OPCML: variants seen among roughly 807,000 people sequenced by gnomAD.
OPCML encodes opioid-binding protein/cell adhesion molecule.
OPCML carries 13 observed loss-of-function variants against 37.8 expected under a neutral mutation model. That is an observed-to-expected ratio of 0.34 (90% CI 0.22 to 0.55). The LOEUF is 0.55. Ranked by LOEUF, OPCML falls within the 20% of genes least tolerant of loss-of-function variation. The pLI, the probability that OPCML is intolerant of heterozygous loss-of-function variation, is 0.91. For synonymous variants in OPCML, 176 were observed against 168.8 expected (o/e 1.04, Z -0.33); for missense variants, 341 against 435.6 (o/e 0.78, Z 1.93).
intron 1 of OPCML, among the ~76,000 whole-genome samples, chr11:133,075,483 G>A (rs1428251610): frequency 6.6e-6 from 1 of 152,154 alleles, no homozygotes. Flanking sequence ...CGGTGGGGAC[G>A]CTGCCGGGAA....
intron 1 of OPCML, among the ~76,000 whole-genome samples, chr11:133,327,895 C>A (rs1026167662): frequency 2.0e-5 from 3 of 152,072 alleles, no homozygotes; most frequent in African/African-American, 4.8e-5. Context: ...AAGGTGCTCG[C>A]ACTGTAAATA....
chr11:132,721,100 CTCATTCAT>C lies in OPCML; in HGVS notation c.147-63789_147-63782del, dbSNP rs750126243. Among the ~76,000 whole-genome samples the C allele has an allele frequency of 3.9e-5, 6 of 152,218 alleles. 1 individual carries two copies. Among genetic ancestry groups the C allele is most frequent in the African/African-American group, 9.6e-5 (4 of 41,520 alleles). Reference sequence around the variant, plus strand: ...TTAGGATATAAATATGGTTTGATTGCTCATTCATTCATTCATTCATTCATTCAACATTA... The same window carrying C: ...TTAGGATATAAATATGGTTTGATTGCTCATTCATTCATTCATTCAACATTA... On this transcript the variant is annotated intron_variant, in intron 2 of 7. Coordinates refer to ENST00000524381, the MANE Select transcript of OPCML (RefSeq NM_001012393.5).
At chr11:133,440,664 T>C (rs1374455109) in intron 1 of OPCML, among the ~76,000 whole-genome samples, 1 of 149,222 alleles carries the variant, frequency 6.7e-6, no homozygotes, top group African/African-American at 2.5e-5. Context: ...GAGGCAGAGG[T>C]TGCAATGAGC....
chr11:132,946,028 C>T (rs912902423), intron 1 of OPCML, among the ~76,000 whole-genome samples: 4 of 152,174 alleles, frequency 2.6e-5, no homozygotes, highest in Non-Finnish European at 4.4e-5. Flanking sequence ...ATGATCCACC[C>T]GCCTCGGCCT....
At chr11:133,344,520 C>A (rs1943952484) in intron 1 of OPCML, among the ~76,000 whole-genome samples, 1 of 152,192 alleles carries the variant, frequency 6.6e-6, no homozygotes, top group Non-Finnish European at 1.5e-5. Context: ...TACGGCATCA[C>A]ACCCTTGCTT....
intron 1 of OPCML, among the ~76,000 whole-genome samples, chr11:133,218,341 C>A (rs1001192464): frequency 6.6e-6 from 1 of 152,084 alleles, no homozygotes; most frequent in South Asian, 2.1e-4. Flanking sequence ...TGCTGAAATA[C>A]AAGGTTTGTC....
intron 5 of OPCML, chr11:132,437,005 T>C: frequency 2.3e-6 from 2 of 871,394 alleles, no homozygotes; most frequent in Non-Finnish European, 2.8e-6. Flanking sequence ...CCATTCTCAG[T>C]TAACAATTCT....
At chr11:132,569,730 AGTTAG>A (rs1210063829) in intron 3 of OPCML, among the ~76,000 whole-genome samples, 1 of 152,204 alleles carries the variant, frequency 6.6e-6, no homozygotes, top group Non-Finnish European at 1.5e-5. Flanking sequence ...CAGAGAGAAA[AGTTAG>A]ATTACCTGCA....
chr11:133,201,866 C>T (rs182174134), intron 1 of OPCML, among the ~76,000 whole-genome samples: 3 of 152,274 alleles, frequency 2.0e-5, no homozygotes, highest in Admixed American at 2.0e-4. Flanking sequence ...TATTTACCTC[C>T]TAACTTTTTA....
intron 1 of OPCML, among the ~76,000 whole-genome samples, chr11:133,137,872 A>C (rs1949714624): frequency 3.3e-5 from 5 of 152,214 alleles, no homozygotes; most frequent in Admixed American, 3.3e-4. Flanking sequence ...TGAAAGTGTG[A>C]ACAGTCTAGA....
intron 2 of OPCML, among the ~76,000 whole-genome samples, chr11:132,779,752 T>C (rs1447941855): frequency 6.6e-6 from 1 of 152,134 alleles, no homozygotes; most frequent in Non-Finnish European, 1.5e-5. Flanking sequence ...TAGGGAGCAG[T>C]GGCAGACTTT....
chr11:132,636,894 C>T (rs1408755038), intron 3 of OPCML, among the ~76,000 whole-genome samples: 1 of 151,846 alleles, frequency 6.6e-6, no homozygotes, highest in Non-Finnish European at 1.5e-5. Context: ...GATTTGCAAT[C>T]TAAAAAAAGA....
chr11:133,292,477 A>G (rs1290852342), intron 1 of OPCML, among the ~76,000 whole-genome samples: 1 of 152,212 alleles, frequency 6.6e-6, no homozygotes, highest in Non-Finnish European at 1.5e-5. Flanking sequence ...CCCAATAAAT[A>G]AAGATATACA....
At chr11:132,892,386 T>C (rs939032607) in intron 2 of OPCML, among the ~76,000 whole-genome samples, 60 of 152,296 alleles carry the variant, frequency 3.9e-4, no homozygotes, top group African/African-American at 1.3e-3. Context: ...GAAGGGCTTG[T>C]AAAATATGGA....
chr11:133,005,371 C>T (rs552025234), intron 1 of OPCML: 2 of 985,358 alleles, frequency 2.0e-6, no homozygotes, highest in East Asian at 2.3e-4. Flanking sequence ...ACAGCAAATG[C>T]CGTTTCTCAG....
At chr11:132,557,769 T>C (rs1330170169) in intron 3 of OPCML, among the ~76,000 whole-genome samples, 1 of 151,824 alleles carries the variant, frequency 6.6e-6, no homozygotes, top group Non-Finnish European at 1.5e-5. Context: ...ACTATCTGCA[T>C]GAGAAGGTGA....
chr11:132,694,340 T>G (rs1024746937), intron 2 of OPCML, among the ~76,000 whole-genome samples: 3 of 151,878 alleles, frequency 2.0e-5, no homozygotes, highest in African/African-American at 7.3e-5. Context: ...CTGGGACTAC[T>G]GGTGCGTGCC....
intron 2 of OPCML, among the ~76,000 whole-genome samples, chr11:132,805,179 T>A (rs1277876836): frequency 6.6e-6 from 1 of 152,134 alleles, no homozygotes; most frequent in East Asian, 1.9e-4. Context: ...ATATTCAAGA[T>A]GGCATTAAAA....
intron 3 of OPCML, among the ~76,000 whole-genome samples, chr11:132,534,627 G>A (rs73035367): frequency 0.012 from 1,795 of 152,248 alleles, 20 homozygotes; most frequent in African/African-American, 0.026. Context: ...TGGTGGAAAC[G>A]GAAGTGAGAG....
Sources: gnomAD v4.1 joint callset for allele counts (sites outside exome capture counted in the v4.1 genomes callset) on GRCh38, gnomAD v4.1.1 for gene constraint, MANE v1.5 for transcripts, NCBI Gene and HGNC (gene_info 2026-07-23, HGNC 2026-07-21) for gene names.